BIRC6: variants seen among roughly 807,000 people sequenced by gnomAD.
BIRC6 encodes the protein baculoviral IAP repeat containing 6.
BIRC6 carries 98 observed loss-of-function variants against 503.3 expected under a neutral mutation model. That is an observed-to-expected ratio of 0.19 (90% confidence interval 0.17 to 0.23). BIRC6 has a LOEUF of 0.23. Among genes scored for constraint, BIRC6 ranks in the 10% least tolerant of loss-of-function variants. The pLI, the probability that BIRC6 is intolerant of heterozygous loss-of-function variation, is 1.00. For synonymous variants in BIRC6, 2,240 were observed against 2,078.7 expected (o/e 1.08, Z -2.11); for missense variants, 5,360 against 5,806.0 (o/e 0.92, Z 2.50).
At chr2:32,371,672 C>T (rs1006179036) in intron 1 of BIRC6, among the ~76,000 whole-genome samples, 27 of 149,608 alleles carry the variant, frequency 1.8e-4, no homozygotes, top group Non-Finnish European at 3.3e-4. Flanking sequence ...CATGAGCTAC[C>T]ATGCCTGGCC....
chr2:32,430,805 C>CTTTTTTTTTTTTTTT, intron 11 of BIRC6, 60 bp from the exon 12 acceptor site: 1 of 456,306 alleles, frequency 2.2e-6, no homozygotes, highest in Non-Finnish European at 3.7e-6. Flanking sequence ...TCATTGTCTT[C>CTTTTTTTTTTTTTTT]TTTTTTTTTT....
intron 65 of BIRC6, among the ~76,000 whole-genome samples, chr2:32,569,453 C>T (rs1196460353): frequency 2.0e-5 from 3 of 152,168 alleles, no homozygotes; most frequent in African/African-American, 7.2e-5. Context: ...ACTGTAGCCT[C>T]GACCTGGTAG....
Position 32,515,176 on chromosome 2 carries a change from G to A in BIRC6, c.10755G>A (p.Lys3585=). 6.2e-7 allele frequency: 1 copy of A among 1,613,940 alleles called. No individual in the cohort carries two copies. Among genetic ancestry groups the A allele is most frequent in the Middle Eastern group, 1.6e-4 (1 of 6,062 alleles). The change falls in exon 55 of 74, where the codon AAG becomes AAA. Residue 3585 remains lysine, a synonymous_variant. Coordinates refer to ENST00000421745, the MANE Select transcript of BIRC6 (RefSeq NM_016252.4). ...HRLSMTDDSK[K]QDLSSSLTDD... Reference sequence around the variant, plus strand: ...TGTCCATGACAGATGATAGCAAAAAGCAGGATCTTAGTTCATCTTTAACAG... The same window carrying A: ...TGTCCATGACAGATGATAGCAAAAAACAGGATCTTAGTTCATCTTTAACAG...
chr2:32,493,415 T>C (rs1485995776), intron 44 of BIRC6, 125 bp from the exon 45 acceptor site: 16 of 831,622 alleles, frequency 1.9e-5, no homozygotes, highest in Non-Finnish European at 2.8e-5. Flanking sequence ...TGTTAATACT[T>C]TTGTTTTCCT....
At chr2:32,593,109 A>T (rs1407464119) in intron 66 of BIRC6, among the ~76,000 whole-genome samples, 1 of 152,230 alleles carries the variant, frequency 6.6e-6, no homozygotes, top group Non-Finnish European at 1.5e-5. Flanking sequence ...GTTTCAAATG[A>T]TCTATTTAAA....
intron 72 of BIRC6, 108 bp from the exon 73 acceptor site, chr2:32,611,340 T>C: frequency 1.6e-6 from 1 of 625,954 alleles, no homozygotes; most frequent in Non-Finnish European, 2.3e-6. Flanking sequence ...ATAGAATAAA[T>C]TATTTAAATG....
intron 73 of BIRC6, among the ~76,000 whole-genome samples, chr2:32,612,728 T>A (rs1420440899): frequency 6.6e-6 from 1 of 152,202 alleles, no homozygotes; most frequent in Non-Finnish European, 1.5e-5. Context: ...GAGTTGATAA[T>A]GGTTGAAGCT....
chr2:32,615,820 A>C (rs1285850230), intron 73 of BIRC6, among the ~76,000 whole-genome samples: 1 of 152,024 alleles, frequency 6.6e-6, no homozygotes, highest in Non-Finnish European at 1.5e-5. Flanking sequence ...TTTTTTGTAG[A>C]GACGGGGTTT....
At chr2:32,578,967 T>C (rs1225097400) in intron 66 of BIRC6, among the ~76,000 whole-genome samples, 2 of 137,264 alleles carry the variant, frequency 1.5e-5, no homozygotes, top group African/African-American at 2.7e-5. Context: ...TACTACTTAT[T>C]TTTATATACC....
chr2:32,605,530 T>C (rs2062389914), intron 71 of BIRC6, among the ~76,000 whole-genome samples: 1 of 152,182 alleles, frequency 6.6e-6, no homozygotes, highest in Admixed American at 6.5e-5. Flanking sequence ...CAGTAACTAA[T>C]AACTATGCCT....
In BIRC6 at chr2:32,524,853, A is replaced by G. The variant is rs565214120; in HGVS notation, c.11624-35A>G. On this transcript the variant is annotated intron_variant, in intron 57 of 73. Coordinates refer to ENST00000421745, the MANE Select transcript of BIRC6 (RefSeq NM_016252.4). ...ATTACTTCTCTTCTTAATGATTTGGAAAAGCAGTGTATTTTAGATAATATC... is the reference window on the plus strand; with the variant it reads ...ATTACTTCTCTTCTTAATGATTTGGGAAAGCAGTGTATTTTAGATAATATC... The G allele has an allele frequency of 7.8e-6, 10 of 1,289,932 alleles. No individual in the cohort carries two copies. The African/African-American group carries it at 1.5e-4, about 20-fold the overall frequency. The allele number at this position is 1,289,932 out of a possible 1,614,324, so 79.9% of individuals were successfully genotyped here.
chr2:32,430,402 C>G (rs1386622465), intron 11 of BIRC6, among the ~76,000 whole-genome samples: 1 of 152,130 alleles, frequency 6.6e-6, no homozygotes, highest in African/African-American at 2.4e-5. Flanking sequence ...GTAAGTATTT[C>G]TTTACCACAT....
intron 39 of BIRC6, among the ~76,000 whole-genome samples, chr2:32,482,971 G>T (rs1220763477): frequency 1.3e-5 from 2 of 150,290 alleles, no homozygotes; most frequent in Non-Finnish European, 3.0e-5. Context: ...AGGCTGGGGT[G>T]CAGTGATGTG....
chr2:32,506,022 A>T (rs925312307), intron 50 of BIRC6, among the ~76,000 whole-genome samples: 2 of 151,706 alleles, frequency 1.3e-5, no homozygotes, highest in East Asian at 1.9e-4. Context: ...AAATTTTTGT[A>T]TTTTTTTGTA....
chr2:32,489,474 T>C (rs1405482142), intron 42 of BIRC6, among the ~76,000 whole-genome samples: 2 of 151,580 alleles, frequency 1.3e-5, no homozygotes, highest in African/African-American at 4.8e-5. Flanking sequence ...TTTAATTTTA[T>C]TATGAGAAAT....
chr2:32,457,085 T>C (rs1331504185), intron 23 of BIRC6, among the ~76,000 whole-genome samples: 3 of 152,198 alleles, frequency 2.0e-5, no homozygotes, highest in Non-Finnish European at 4.4e-5. Context: ...TTAAGTTTGC[T>C]ATTTCTCCGA....
Position 32,499,629 on chromosome 2 carries a change from G to C in BIRC6, c.8551G>C (p.Val2851Leu), listed in dbSNP as rs1162352281. ...EFTLEQNFEV[V>L]SVSTISAVIE... ...CACTCTGGAGCAGAATTTTGAAGTC[G>C]TTTCAGTTAGTACTATTTCTGCCGT... is the stretch of plus-strand genomic sequence containing the variant. Residue 2851 changes from valine (V) to leucine (L), a missense_variant, in exon 46 of 74, where the codon GTT becomes CTT. This residue lies in a region of BIRC6 where 2,299 missense variants were observed against 2,267.2 expected (regional missense o/e 1.01). Coordinates refer to ENST00000421745, the MANE Select transcript of BIRC6 (RefSeq NM_016252.4). 3 of 1,613,788 alleles carry C rather than the reference G, an allele frequency of 1.9e-6. No individual in the cohort carries two copies. Among genetic ancestry groups the C allele is most frequent in the African/African-American group, 2.7e-5 (2 of 74,980 alleles).
chr2:32,597,006 A>C (rs916642556), intron 68 of BIRC6, among the ~76,000 whole-genome samples: 1 of 152,244 alleles, frequency 6.6e-6, no homozygotes, highest in African/African-American at 2.4e-5. Flanking sequence ...CTCTCCAAGT[A>C]TGTGACTTTA....
intron 71 of BIRC6, among the ~76,000 whole-genome samples, chr2:32,606,878 G>C (rs930527934): frequency 6.6e-6 from 1 of 151,694 alleles, no homozygotes; most frequent in Non-Finnish European, 1.5e-5. Flanking sequence ...GTGGTGGCAG[G>C]CATCTGTAAT....
Sources: gnomAD v4.1 joint callset for allele counts (sites outside exome capture counted in the v4.1 genomes callset) on GRCh38, gnomAD v4.1.1 for gene constraint, gnomAD v4.1.1 regional missense constraint, MANE v1.5 for transcripts, NCBI Gene and HGNC (gene_info 2026-07-23, HGNC 2026-07-21) for gene names.